PCDHGB5: variants seen among roughly 807,000 people sequenced by gnomAD.
The protein encoded by PCDHGB5 is protocadherin gamma subfamily B, 5, also known as protocadherin gamma-B5.
A neutral mutation model predicts 62.9 loss-of-function variants in PCDHGB5; 48 were observed. The observed-to-expected ratio is 0.76, with a 90% CI of 0.61 to 0.97. The LOEUF is 0.97. Among genes scored for constraint, PCDHGB5 ranks in the 50% least tolerant of loss-of-function variants. The pLI is 0.00. For synonymous variants in PCDHGB5, 474 were observed against 511.2 expected, an observed-to-expected ratio of 0.93 and a Z score of 0.98; for missense variants, 1,118 against 1,198.6, an observed-to-expected ratio of 0.93 and a Z score of 0.99.
intron 1 of PCDHGB5, among the ~76,000 whole-genome samples, chr5:141,470,877 T>C (rs1438812002): frequency 1.3e-5 from 2 of 151,808 alleles, no homozygotes; most frequent in Non-Finnish European, 2.9e-5. Context: ...TTTGTTTTTT[T>C]GTTTTTGTTT....
At chr5:141,433,066 C>A in intron 1 of PCDHGB5, 2 of 1,614,210 alleles carry the variant, frequency 1.2e-6, no homozygotes, top group Non-Finnish European at 1.7e-6. Context: ...GTCACCTGAT[C>A]TTCCCCCAGC....
intron 1 of PCDHGB5, among the ~76,000 whole-genome samples, chr5:141,472,980 C>CAAAAAAAAAAAAAA (rs60579131): frequency 5.8e-5 from 5 of 86,102 alleles, no homozygotes; most frequent in Admixed American, 1.2e-4. Context: ...GAGTGAAACT[C>CAAAAAAAAAAAAAA]AAAAAAAAAA....
Position 141,487,082 on chromosome 5 carries a change from G to A in PCDHGB5, c.2398-7725G>A, listed in dbSNP as rs2099639361. On this transcript the variant is annotated intron_variant, in intron 1 of 3. Transcript: ENST00000617380. The surrounding 1 kb of genome is among the most constrained non-coding windows in gnomAD (Gnocchi z 5.0). Reference sequence around the variant, plus strand: ...GCGGACGGCTGTTCCTATCCCAGCTGACCTCCCACCACAGAAGCTGGTCAT... The same window carrying A: ...GCGGACGGCTGTTCCTATCCCAGCTAACCTCCCACCACAGAAGCTGGTCAT... The A allele has an allele frequency of 8.1e-6, 13 of 1,614,056 alleles. No individual in the cohort carries two copies. The highest frequency in any genetic ancestry group is 1.1e-5 in the Non-Finnish European group (13 of 1,179,938).
chr5:141,431,146 T>G lies in PCDHGB5; in HGVS notation c.2397+30622T>G. On this transcript the variant is annotated intron_variant, in intron 1 of 3. Coordinates refer to ENST00000617380, the MANE Select transcript of PCDHGB5 (RefSeq NM_018925.3). The surrounding 1 kb of genome is among the most constrained non-coding windows in gnomAD (Gnocchi z 4.8). The stretch of plus-strand genomic sequence containing the variant: ...TAGAAGTAAGGGACATTAACGACAA[T>G]GCGCCTTACTTTCGTGAAAGTGAAT... 6.2e-7 allele frequency: 1 copy of G among 1,614,124 alleles called. No individual in the cohort carries two copies. Among genetic ancestry groups the G allele is most frequent in the African/African-American group, 1.3e-5 (1 of 75,022 alleles).
chr5:141,432,016 C>G lies in PCDHGB5; in HGVS notation c.2397+31492C>G. 1 of 1,614,202 alleles carries G rather than the reference C, an allele frequency of 6.2e-7. No individual in the cohort carries two copies. The highest frequency in any genetic ancestry group is 1.1e-5 in the South Asian group (1 of 91,082). ...ATAGGGAACAGGTTCCTAGCTACAACATCACAGTGACCGCCACTGACCGGG... is the reference window on the plus strand; with the variant it reads ...ATAGGGAACAGGTTCCTAGCTACAAGATCACAGTGACCGCCACTGACCGGG... On this transcript the variant is annotated intron_variant, in intron 1 of 3. Coordinates refer to ENST00000617380, the MANE Select transcript of PCDHGB5 (RefSeq NM_018925.3). The surrounding 1 kb of genome is among the most constrained non-coding windows in gnomAD (Gnocchi z 6.0).
chr5:141,442,343 G>A (rs1300318674), intron 1 of PCDHGB5: 1 of 152,336 alleles, frequency 6.6e-6, no homozygotes, highest in African/African-American at 2.4e-5. Context: ...CAGGTTTCTG[G>A]GTAACTGTAG....
chr5:141,441,762 C>A (rs3805697), intron 1 of PCDHGB5: 10 of 374,012 alleles, frequency 2.7e-5, no homozygotes, highest in Non-Finnish European at 2.2e-5. Flanking sequence ...CGTGAGCCTG[C>A]GCGTGTTGGT....
At chr5:141,420,725 C>T (rs1468308275) in intron 1 of PCDHGB5, among the ~76,000 whole-genome samples, 1 of 152,188 alleles carries the variant, frequency 6.6e-6, no homozygotes, top group African/African-American at 2.4e-5. Flanking sequence ...TCCTTTCAGT[C>T]GGTTAAAATC....
rs1430260899 is a variant in PCDHGB5, at chr5:141,415,763, T to G, written c.2397+15239T>G. On this transcript the variant is annotated intron_variant, in intron 1 of 3. Transcript: ENST00000617380. ...AGGTTTTTTTTTTTTTTTTTTTTTT[T>G]TTTTTTTTTACTTTCTGGTAAAATT... is the stretch of plus-strand genomic sequence containing the variant. The G allele has an allele frequency of 1.1e-5, 15 of 1,398,354 alleles. No homozygotes were observed. The African/African-American group carries it at 2.1e-4, about 19-fold the overall frequency. 86.6% of individuals were successfully genotyped at this position (1,398,354 alleles called of 1,614,324 possible). A position where few individuals can be genotyped will look rare whatever the true frequency, so the allele number is the denominator to read the frequency against.
At position 141,491,658 on chromosome 5, in the gene PCDHGB5, C is replaced by A; in HGVS notation, c.2398-3149C>A. 1 of 1,613,822 alleles carries A rather than the reference C, an allele frequency of 6.2e-7. No homozygotes were observed. The highest frequency in any genetic ancestry group is 8.5e-7 in the Non-Finnish European group (1 of 1,180,016). On this transcript the variant is annotated intron_variant, in intron 1 of 3. Coordinates refer to ENST00000617380, the MANE Select transcript of PCDHGB5 (RefSeq NM_018925.3). The surrounding 1 kb of genome is among the most constrained non-coding windows in gnomAD (Gnocchi z 6.9). ...CCACAGCTCTGGCGCTGGAGCCTGA[C>A]GCCATCCGGTCCCGCTCTAATACGC... is the stretch of plus-strand genomic sequence containing the variant.
intron 1 of PCDHGB5, chr5:141,415,317 G>T (rs778236674): frequency 6.2e-7 from 1 of 1,614,218 alleles, no homozygotes; most frequent in Non-Finnish European, 8.5e-7. Flanking sequence ...TCGTCATCGT[G>T]CTGCTGGCGC....
intron 1 of PCDHGB5, chr5:141,423,907 G>C: frequency 7.9e-7 from 1 of 1,271,360 alleles, no homozygotes. Context: ...TTTCAAAGGG[G>C]CCATTCAACT....
intron 1 of PCDHGB5, among the ~76,000 whole-genome samples, chr5:141,425,318 G>A (rs1304835508): frequency 1.3e-5 from 2 of 152,158 alleles, no homozygotes; most frequent in Non-Finnish European, 2.9e-5. Context: ...TCCCAAGATC[G>A]TGGAGAACAA....
intron 1 of PCDHGB5, 40 bp downstream of exon 1, chr5:141,400,564 C>T: frequency 6.2e-7 from 1 of 1,612,936 alleles, no homozygotes; most frequent in South Asian, 1.1e-5. Context: ...ATTACCCACC[C>T]AATTTTCTGT....
chr5:141,418,677 T>A (rs1717013168), intron 1 of PCDHGB5: 1 of 1,613,930 alleles, frequency 6.2e-7, no homozygotes, highest in African/African-American at 1.3e-5. Flanking sequence ...GACGAGGGCA[T>A]CAACTCAGAG....
intron 1 of PCDHGB5, among the ~76,000 whole-genome samples, chr5:141,451,435 G>T (rs947210577): frequency 6.6e-6 from 1 of 152,234 alleles, no homozygotes; most frequent in Non-Finnish European, 1.5e-5. Flanking sequence ...AAGGGTTCCA[G>T]TTCCTTGCTG....
intron 1 of PCDHGB5, among the ~76,000 whole-genome samples, chr5:141,450,888 G>A (rs1038570371): frequency 6.9e-5 from 10 of 145,278 alleles, no homozygotes; most frequent in Admixed American, 4.1e-4. Context: ...GCAGTGGTGC[G>A]ATATCGGCTC....
chr5:141,444,467 G>A (rs1288596542), intron 1 of PCDHGB5, among the ~76,000 whole-genome samples: 3 of 151,998 alleles, frequency 2.0e-5, no homozygotes, highest in African/African-American at 4.8e-5. Flanking sequence ...CACTGCGCCC[G>A]GTCGCGTACT....
chr5:141,433,437 T>C (rs1422634356), intron 1 of PCDHGB5, among the ~76,000 whole-genome samples: 2 of 152,076 alleles, frequency 1.3e-5, no homozygotes, highest in Admixed American at 1.3e-4. Flanking sequence ...AGTCTCACTA[T>C]GTTGAGCAGG....
Sources: gnomAD v4.1 joint callset for allele counts (sites outside exome capture counted in the v4.1 genomes callset) on GRCh38, gnomAD v4.1.1 for gene constraint, Gnocchi (gnomAD v3.1) non-coding constraint, MANE v1.5 for transcripts, NCBI Gene and HGNC (gene_info 2026-07-23, HGNC 2026-07-21) for gene names.